PXDN: variants seen among roughly 807,000 people sequenced by gnomAD.
PXDN encodes the protein peroxidasin homolog.
In PXDN, 77 loss-of-function variants were observed where a neutral mutation model predicts 140.3. The observed-to-expected ratio is 0.55, with a 90% CI of 0.46 to 0.66. The LOEUF is 0.66. Ranked by LOEUF, PXDN falls within the 30% of genes least tolerant of loss-of-function variation. PXDN has a pLI of 0.00. For missense variants in PXDN, 1,838 were observed against 2,039.5 expected (o/e 0.90, Z 1.90); for synonymous variants, 911 against 857.4 (o/e 1.06, Z -1.09).
intron 1 of PXDN, among the ~76,000 whole-genome samples, chr2:1,704,495 A>G (rs541251283): frequency 3.9e-5 from 2 of 51,184 alleles, no homozygotes; most frequent in Admixed American, 2.9e-4. Context: ...CTCCAGGTGA[A>G]GGAGGGCAAC....
intron 3 of PXDN, among the ~76,000 whole-genome samples, chr2:1,688,294 G>A (rs1167254440): frequency 6.6e-6 from 1 of 152,172 alleles, no homozygotes; most frequent in African/African-American, 2.4e-5. Flanking sequence ...TGTGAACTTG[G>A]AATGCCAGCG....
At chr2:1,694,875 T>C (rs1684265683) in intron 1 of PXDN, among the ~76,000 whole-genome samples, 1 of 152,042 alleles carries the variant, frequency 6.6e-6, no homozygotes, top group Admixed American at 6.5e-5. Flanking sequence ...AATTTCAGGA[T>C]AAACAAACAA....
intron 9 of PXDN, chr2:1,669,770 CAG>C (rs1166666109): frequency 6.6e-6 from 1 of 152,116 alleles, no homozygotes; most frequent in Non-Finnish European, 1.5e-5. Context: ...ACCAGGGAGT[CAG>C]AGGTTGCAGT....
rs1685103398 is a variant in PXDN, at chr2:1,723,529, T to C, written c.200+20727A>G. 1.3e-5 allele frequency among the ~76,000 whole-genome samples: 2 copies of C among 152,094 alleles called. 1 individual carries two copies. Among genetic ancestry groups the C allele is most frequent in the Middle Eastern group, 6.8e-3 (2 of 294 alleles). ...ATTAATGGATAGATAGAAGAATAGA[T>C]GGTTGAGTTGTTATGGATGAATGGA... On this transcript the variant is annotated intron_variant, in intron 1 of 22. Coordinates refer to ENST00000252804, the MANE Select transcript of PXDN (RefSeq NM_012293.3).
At chr2:1,679,993 A>T (rs922643778) in intron 7 of PXDN, among the ~76,000 whole-genome samples, 200 bp downstream of exon 7, 30 of 131,670 alleles carry the variant, frequency 2.3e-4, no homozygotes, top group African/African-American at 8.4e-4. Flanking sequence ...GTGTGTGTAA[A>T]TGGTATGTGT....
chr2:1,729,612 C>T (rs1187122451), intron 1 of PXDN, among the ~76,000 whole-genome samples: 1 of 152,072 alleles, frequency 6.6e-6, no homozygotes, highest in African/African-American at 2.4e-5. Context: ...ATACAGTGTA[C>T]ACCACTCGGG....
chr2:1,658,168 G>A (rs1169467271), intron 14 of PXDN, among the ~76,000 whole-genome samples: 1 of 151,114 alleles, frequency 6.6e-6, no homozygotes, highest in Non-Finnish European at 1.5e-5. Flanking sequence ...CTCTGAGGCT[G>A]CAGCTCCAGC....
At chr2:1,664,063 G>C (rs955217685) in intron 11 of PXDN, 2 of 344,130 alleles carry the variant, frequency 5.8e-6, no homozygotes, top group African/African-American at 4.1e-5. Flanking sequence ...TGGATGGCCA[G>C]CTGGGAGAAC....
intron 12 of PXDN, among the ~76,000 whole-genome samples, chr2:1,662,799 G>C (rs1361552157): frequency 6.6e-6 from 1 of 152,218 alleles, no homozygotes; most frequent in Non-Finnish European, 1.5e-5. Flanking sequence ...AACAGGCAGA[G>C]GGGAGCCCCT....
At chr2:1,647,937 G>A (rs1682889048) in intron 17 of PXDN, among the ~76,000 whole-genome samples, 1 of 152,078 alleles carries the variant, frequency 6.6e-6, no homozygotes, top group Non-Finnish European at 1.5e-5. Flanking sequence ...AACAAAACAG[G>A]CCGGTGGAAG....
At chr2:1,712,180 T>A (rs1375967524) in intron 1 of PXDN, among the ~76,000 whole-genome samples, 1 of 152,158 alleles carries the variant, frequency 6.6e-6, no homozygotes, top group Non-Finnish European at 1.5e-5. Context: ...CAAAGAAGAC[T>A]GGGAAGTAAA....
At chr2:1,743,747 G>C (rs1253072887) in intron 1 of PXDN, among the ~76,000 whole-genome samples, 1 of 114,166 alleles carries the variant, frequency 8.8e-6, no homozygotes, top group Non-Finnish European at 1.9e-5. Flanking sequence ...CGGAGGAGGG[G>C]AGCGAACAGG....
intron 1 of PXDN, among the ~76,000 whole-genome samples, chr2:1,735,064 C>A (rs1685399490): frequency 6.6e-6 from 1 of 152,198 alleles, no homozygotes; most frequent in Non-Finnish European, 1.5e-5. Context: ...TCCATAGACA[C>A]AACTCCCCCT....
chr2:1,730,327 T>C (rs1191886620), intron 1 of PXDN, among the ~76,000 whole-genome samples: 1 of 152,246 alleles, frequency 6.6e-6, no homozygotes, highest in African/African-American at 2.4e-5. Flanking sequence ...GAGAAAAAGC[T>C]GCTGAGCCCT....
chr2:1,732,497 G>A (rs1045562180), intron 1 of PXDN, among the ~76,000 whole-genome samples: 7 of 152,208 alleles, frequency 4.6e-5, no homozygotes, highest in African/African-American at 1.4e-4. Flanking sequence ...CAGCCAGACT[G>A]AAAACCTCAT....
chr2:1,734,581 T>G (rs1685387733), intron 1 of PXDN, among the ~76,000 whole-genome samples: 1 of 152,180 alleles, frequency 6.6e-6, no homozygotes, highest in Non-Finnish European at 1.5e-5. Flanking sequence ...AAAATTGAAG[T>G]CAATCGGCCA....
At chr2:1,728,305 G>T (rs1191551487) in intron 1 of PXDN, among the ~76,000 whole-genome samples, 1 of 152,232 alleles carries the variant, frequency 6.6e-6, no homozygotes, top group Non-Finnish European at 1.5e-5. Context: ...TTCGCTTGAG[G>T]CGGTCACACG....
At chr2:1,650,728 A>G (rs1288946570) in intron 16 of PXDN, among the ~76,000 whole-genome samples, 1 of 151,978 alleles carries the variant, frequency 6.6e-6, no homozygotes, top group Non-Finnish European at 1.5e-5. Flanking sequence ...TTTTCCATTC[A>G]CACATGCACA....
At chr2:1,691,602 G>A (rs1684184699) in intron 3 of PXDN, among the ~76,000 whole-genome samples, 1 of 152,008 alleles carries the variant, frequency 6.6e-6, no homozygotes, top group South Asian at 2.1e-4. Context: ...TGTTCATATC[G>A]GCAACTCACT....
Sources: gnomAD v4.1 joint callset for allele counts (sites outside exome capture counted in the v4.1 genomes callset) on GRCh38, gnomAD v4.1.1 for gene constraint, MANE v1.5 for transcripts, NCBI Gene and HGNC (gene_info 2026-07-23, HGNC 2026-07-21) for gene names.